TNNT2: variants seen among roughly 807,000 people sequenced by gnomAD.
TNNT2 encodes troponin T, cardiac muscle.
TNNT2 carries 34 observed loss-of-function variants against 62.4 expected under a neutral mutation model. The observed-to-expected ratio is 0.54, with a 90% CI of 0.41 to 0.72. The LOEUF is 0.72. TNNT2 is among the 30% of genes least tolerant of loss of function. The probability of loss-of-function intolerance (pLI) is 0.00; values close to 1 mark genes in which losing one functional copy is unlikely to be tolerated. For missense variants in TNNT2, 275 were observed against 381.9 expected (o/e 0.72, Z 2.33); for synonymous variants, 123 against 127.2 (o/e 0.97, Z 0.22).
At position 201,359,166 on chromosome 1, in the gene TNNT2, C is replaced by A; in HGVS notation, c.*44G>T. ...GAACTGGGGGAGTGCAGGCCGGAGG[C>A]AGGTGCGAGCGAGGAGCAGATCTTT... On this transcript the variant is annotated 3_prime_UTR_variant, in exon 17 of 17. Coordinates refer to ENST00000656932, the MANE Select transcript of TNNT2 (RefSeq NM_001276345.2). 6.3e-7 allele frequency: 1 copy of A among 1,593,502 alleles called. No homozygotes were observed.
At chr1:201,376,153 G>A (rs534287592) in intron 1 of TNNT2, among the ~76,000 whole-genome samples, 1 of 152,286 alleles carries the variant, frequency 6.6e-6, no homozygotes, top group Admixed American at 6.5e-5. Context: ...CAGCTTTCTA[G>A]CCTAATGCAT....
chr1:201,373,451 C>T lies in TNNT2; in HGVS notation c.-14-183G>A, dbSNP rs189638433. 79 of 644,368 alleles carry T rather than the reference C, an allele frequency of 1.2e-4. No homozygotes were observed. In the East Asian group the frequency reaches 2.1e-3, roughly 17 times the overall value. 39.9% of individuals were successfully genotyped at this position (644,368 alleles called of 1,614,324 possible). On this transcript the variant is annotated intron_variant, in intron 1 of 16. Transcript: ENST00000656932. ...CCCTGCTGGGGGAGATAGTGACACC[C>T]ACATGGCAGCAAGGCCACCTGCTGA...
intron 14 of TNNT2, 44 bp from the exon 15 acceptor site, chr1:201,361,413 G>A (rs1272161274): frequency 6.5e-7 from 1 of 1,529,510 alleles, no homozygotes; most frequent in Middle Eastern, 1.7e-4. Flanking sequence ...GTAAGAAAGG[G>A]CCCTCCTGGG....
chr1:201,362,668 C>G (rs1658900336), intron 12 of TNNT2, among the ~76,000 whole-genome samples: 1 of 152,076 alleles, frequency 6.6e-6, no homozygotes, highest in Non-Finnish European at 1.5e-5. Flanking sequence ...AGGGACTAAG[C>G]TGGAAATCTA....
intron 8 of TNNT2, 69 bp downstream of exon 8, chr1:201,366,769 C>CATACTGCA: frequency 2.5e-6 from 4 of 1,613,208 alleles, no homozygotes; most frequent in Non-Finnish European, 2.5e-6. Context: ...CATACTGCAC[C>CATACTGCA]CCGTTCCATC....
Position 201,368,160 on chromosome 1 carries a change from AC to A in TNNT2, c.163+1del. ...CCCCTGCACCCTCAACCAGAGACTT[AC>A]CTTCTGCCCTGGTCTCCTCGGTCTC... is the stretch of plus-strand genomic sequence containing the variant. On this transcript the variant is annotated splice_donor_variant, in intron 6 of 16. Transcript: ENST00000656932. LOFTEE classifies it high-confidence loss of function. 6.2e-7 allele frequency: 1 copy of A among 1,613,970 alleles called. No individual in the cohort carries two copies. Among genetic ancestry groups the A allele is most frequent in the East Asian group, 2.2e-5 (1 of 44,880 alleles).
In TNNT2 at chr1:201,359,150, G is replaced by A; in HGVS notation, c.*60C>T. The stretch of plus-strand genomic sequence containing the variant: ...GCCCAGGAGGGCCCGGGAACTGGGG[G>A]AGTGCAGGCCGGAGGCAGGTGCGAG... On this transcript the variant is annotated 3_prime_UTR_variant, in exon 17 of 17. Coordinates refer to ENST00000656932, the MANE Select transcript of TNNT2 (RefSeq NM_001276345.2). 6.3e-7 allele frequency: 1 copy of A among 1,579,788 alleles called. No homozygotes were observed. Among genetic ancestry groups the A allele is most frequent in the Non-Finnish European group, 8.6e-7 (1 of 1,163,064 alleles).
intron 1 of TNNT2, among the ~76,000 whole-genome samples, chr1:201,377,210 G>A (rs568207959): frequency 1.1e-3 from 162 of 152,298 alleles, no homozygotes; most frequent in Non-Finnish European, 1.5e-3. Flanking sequence ...GTGACCCTCG[G>A]CCTGGAACAA....
chr1:201,372,261 C>G (rs1006500293), intron 2 of TNNT2, 106 bp from the exon 3 acceptor site: 3 of 1,545,812 alleles, frequency 1.9e-6, no homozygotes, highest in African/African-American at 2.7e-5. Context: ...GATAATCCCC[C>G]TTTCTTTTCC....
chr1:201,362,216 G>A (rs898084172), intron 13 of TNNT2, 170 bp downstream of exon 13: 10 of 1,274,002 alleles, frequency 7.8e-6, no homozygotes, highest in African/African-American at 4.4e-5. Flanking sequence ...GAAGGATCAC[G>A]TCAGTCTCTT....
At chr1:201,360,841 C>T in intron 15 of TNNT2, 1 of 305,748 alleles carries the variant, frequency 3.3e-6, no homozygotes, top group Non-Finnish European at 6.4e-6. Flanking sequence ...GCACATAGGA[C>T]TCCGAAAGAC....
At chr1:201,377,263 T>C (rs1661536563) in intron 1 of TNNT2, among the ~76,000 whole-genome samples, 1 of 152,148 alleles carries the variant, frequency 6.6e-6, no homozygotes. Context: ...TCATTGTATT[T>C]AGAGCAGGCA....
chr1:201,376,934 C>A (rs148305580), intron 1 of TNNT2, among the ~76,000 whole-genome samples: 1 of 152,206 alleles, frequency 6.6e-6, no homozygotes, highest in African/African-American at 2.4e-5. Flanking sequence ...CCATCTGCCC[C>A]CCAAGTGCAG....
chr1:201,360,881 C>A, intron 15 of TNNT2: 1 of 341,786 alleles, frequency 2.9e-6, no homozygotes, highest in South Asian at 2.5e-5. Context: ...CTAATTGTGC[C>A]CACACCAGGA....
Position 201,372,284 on chromosome 1 carries a change from T to G in TNNT2, c.42-129A>C, listed in dbSNP as rs1660746784. The G allele has an allele frequency of 3.2e-5, 45 of 1,387,084 alleles. 1 individual carries two copies. The South Asian group carries it at 5.3e-4, about 16-fold the overall frequency. The allele number at this position is 1,387,084 out of a possible 1,614,324, so 85.9% of individuals were successfully genotyped here. A position where few individuals can be genotyped will look rare whatever the true frequency, so the allele number is the denominator to read the frequency against. ...CCCTTTCTTTTCCCTTGTTGCCTAGTGGAGTCCACGCTGCCCTGCCCACCT... is the reference window on the plus strand; with the variant it reads ...CCCTTTCTTTTCCCTTGTTGCCTAGGGGAGTCCACGCTGCCCTGCCCACCT... On this transcript the variant is annotated intron_variant, in intron 2 of 16. Transcript: ENST00000656932.
intron 15 of TNNT2, 131 bp from the exon 16 acceptor site, chr1:201,359,794 G>T: frequency 1.2e-6 from 1 of 817,134 alleles, no homozygotes; most frequent in East Asian, 2.7e-5. Flanking sequence ...TGGAAGAGTA[G>T]GAGGGGTTAG....
At chr1:201,363,054 G>A (rs930377414) in intron 12 of TNNT2, 25 of 949,412 alleles carry the variant, frequency 2.6e-5, no homozygotes, top group East Asian at 1.2e-4. Context: ...AGGCATGGGG[G>A]GCACCATTGG....
rs941842854 is a variant in TNNT2 at position 201,369,851 on chromosome 1, G to T, written c.68-6C>A. 1.3e-5 allele frequency: 21 copies of T among 1,614,028 alleles called. No individual in the cohort carries two copies. The highest frequency in any genetic ancestry group is 1.7e-5 in the Admixed American group (1 of 60,004). ...CTCTCTCCAGTCCTCCTCTTCTGAG[G>T]TTCAGGGAGTGGCCGCAGCGGAGGG... On this transcript the variant is annotated splice_polypyrimidine_tract_variant and splice_region_variant and intron_variant, in intron 4 of 16. Coordinates refer to ENST00000656932, the MANE Select transcript of TNNT2 (RefSeq NM_001276345.2).
chr1:201,362,037 A>T lies in TNNT2; in HGVS notation c.610-15T>A, dbSNP rs950076691. The stretch of plus-strand genomic sequence containing the variant: ...TTCCGCTCTGTCTGGAGGGTGTGGG[A>T]AGCAGAGTAAACTGGCCAGATTGCC... On this transcript the variant is annotated splice_polypyrimidine_tract_variant and intron_variant, in intron 13 of 16. Transcript: ENST00000656932. 9 of 1,613,578 alleles carry T rather than the reference A, an allele frequency of 5.6e-6. No homozygotes were observed. In the Admixed American group the frequency reaches 6.7e-5, roughly 12 times the overall value.
Sources: gnomAD v4.1 joint callset for allele counts (sites outside exome capture counted in the v4.1 genomes callset) on GRCh38, gnomAD v4.1.1 for gene constraint, MANE v1.5 for transcripts, NCBI Gene and HGNC (gene_info 2026-07-23, HGNC 2026-07-21) for gene names.